KCNMB4: variants seen among roughly 807,000 people sequenced by gnomAD.
The protein encoded by KCNMB4 is potassium calcium-activated channel subfamily M regulatory beta subunit 4.
In KCNMB4, 3 loss-of-function variants were observed where a neutral mutation model predicts 20.7. That is an observed-to-expected ratio of 0.14 (90% CI 0.07 to 0.37). The LOEUF (loss-of-function observed/expected upper bound fraction) is 0.37, where lower values mean the gene tolerates loss of function less well. Among genes scored for constraint, KCNMB4 ranks in the 10% least tolerant of loss-of-function variants. KCNMB4 has a pLI of 1.00. For synonymous variants in KCNMB4, 110 were observed against 113.4 expected (o/e 0.97, Z 0.19); for missense variants, 168 against 265.9 (o/e 0.63, Z 2.56).
chr12:70,426,280 C>T (rs1293357939), intron 2 of KCNMB4, among the ~76,000 whole-genome samples: 3 of 146,520 alleles, frequency 2.0e-5, no homozygotes, highest in Non-Finnish European at 3.0e-5. Flanking sequence ...GGTGACAGAG[C>T]GAGATTCCGT....
chr12:70,424,252 G>A (rs943112486), intron 2 of KCNMB4, among the ~76,000 whole-genome samples: 2 of 152,158 alleles, frequency 1.3e-5, no homozygotes, highest in African/African-American at 4.8e-5. Flanking sequence ...GATAAGGGAA[G>A]ATCCAAGAAA....
At chr12:70,392,167 A>G (rs546242041) in intron 1 of KCNMB4, among the ~76,000 whole-genome samples, 71 of 152,314 alleles carry the variant, frequency 4.7e-4, no homozygotes, top group African/African-American at 1.6e-3. Context: ...CCATCAATGA[A>G]GCCATCTGAA....
At chr12:70,374,489 C>G (rs1355355402) in intron 1 of KCNMB4, among the ~76,000 whole-genome samples, 2 of 152,048 alleles carry the variant, frequency 1.3e-5, no homozygotes, top group Non-Finnish European at 2.9e-5. Flanking sequence ...CATGCTGAGC[C>G]TTAGGTATTC....
At chr12:70,372,209 A>G (rs1883608357) in intron 1 of KCNMB4, among the ~76,000 whole-genome samples, 1 of 152,202 alleles carries the variant, frequency 6.6e-6, no homozygotes, top group Admixed American at 6.5e-5. Context: ...CAAGGTGGAC[A>G]GTGGGAAATG....
rs1482364212 is a variant in KCNMB4 at position 70,388,904 on chromosome 12, T to C, written c.337-11305T>C. Among the ~76,000 whole-genome samples the C allele has an allele frequency of 2.6e-5, 4 of 152,216 alleles. No individual in the cohort carries two copies. In the East Asian group the frequency reaches 7.7e-4, roughly 29 times the overall value. ...TGTACTTTTATTTGAGGGTAAGGAG[T>C]AGTACTCCACTGCTCCAAACCCTTG... On this transcript the variant is annotated intron_variant, in intron 1 of 2. Coordinates refer to ENST00000258111, the MANE Select transcript of KCNMB4 (RefSeq NM_014505.6).
At chr12:70,410,483 G>A (rs1868741288) in intron 2 of KCNMB4, among the ~76,000 whole-genome samples, 1 of 152,200 alleles carries the variant, frequency 6.6e-6, no homozygotes. Flanking sequence ...GTGACATCAA[G>A]CATCGGGATT....
intron 2 of KCNMB4, among the ~76,000 whole-genome samples, chr12:70,407,616 C>T (rs548526837): frequency 2.0e-5 from 3 of 151,578 alleles, no homozygotes; most frequent in South Asian, 2.1e-4. Flanking sequence ...TACAGGCGCC[C>T]GCCACCACAC....
In KCNMB4 at chr12:70,431,698, C is replaced by G. The variant is rs1869369004; in HGVS notation, c.*1045C>G. The stretch of plus-strand genomic sequence containing the variant: ...ACTGATGAGCTTTCTGTGCCTTTAT[C>G]AAAAGTTGATTGAGAAGACCATATT... On this transcript the variant is annotated 3_prime_UTR_variant, in exon 3 of 3. Coordinates refer to ENST00000258111, the MANE Select transcript of KCNMB4 (RefSeq NM_014505.6). 1 of 152,140 alleles carries G rather than the reference C, an allele frequency of 6.6e-6. No homozygotes were observed. Among genetic ancestry groups the G allele is most frequent in the Admixed American group, 6.5e-5 (1 of 15,286 alleles). 9.4% of individuals were successfully genotyped at this position (152,140 alleles called of 1,614,324 possible).
chr12:70,421,706 C>T (rs11178232), intron 2 of KCNMB4, among the ~76,000 whole-genome samples: 3 of 151,516 alleles, frequency 2.0e-5, no homozygotes, highest in African/African-American at 4.8e-5. Context: ...CTCAGCCTCC[C>T]GAGTAGCTGG....
chr12:70,366,639 T>TGGCGGC lies in KCNMB4; in HGVS notation c.-89_-84dup, dbSNP rs1363572413. 7.8e-6 allele frequency: 7 copies of TGGCGGC among 902,298 alleles called. No homozygotes were observed. Among genetic ancestry groups the TGGCGGC allele is most frequent in the Non-Finnish European group, 9.8e-6 (7 of 712,278 alleles). 55.9% of individuals were successfully genotyped at this position (902,298 alleles called of 1,614,324 possible). On this transcript the variant is annotated 5_prime_UTR_variant, in exon 1 of 3. Coordinates refer to ENST00000258111, the MANE Select transcript of KCNMB4 (RefSeq NM_014505.6). ...CCCTGCTGTCGCGCGGCGGCGGCGGTGGCGGCGGCGGCTCCTCCCGCCCGA... is the reference window on the plus strand; with the variant it reads ...CCCTGCTGTCGCGCGGCGGCGGCGGTGGCGGCGGCGGCGGCGGCTCCTCCCGCCCGA...
chr12:70,395,089 G>A (rs1362735245), intron 1 of KCNMB4, among the ~76,000 whole-genome samples: 1 of 151,956 alleles, frequency 6.6e-6, no homozygotes, highest in African/African-American at 2.4e-5. Context: ...TTTCTTATAG[G>A]AGTTCAGAAA....
rs138347147 is a variant in KCNMB4, at chr12:70,377,552, T to C, written c.336+10482T>C. Among the ~76,000 whole-genome samples the C allele has an allele frequency of 2.7e-3, 406 of 152,290 alleles. 2 individuals are homozygous for C. Among genetic ancestry groups the C allele is most frequent in the African/African-American group, 9.6e-3 (398 of 41,560 alleles). ...GGTTGCTGACTAATCAGGGTGGTGGTTGCTGAAGGTTGAGGTGGCTGTGGA... is the reference window on the plus strand; with the variant it reads ...GGTTGCTGACTAATCAGGGTGGTGGCTGCTGAAGGTTGAGGTGGCTGTGGA... On this transcript the variant is annotated intron_variant, in intron 1 of 2. Transcript: ENST00000258111.
In KCNMB4 at chr12:70,431,914, AG is replaced by A. The variant is rs1216478943; in HGVS notation, c.*1263del. 4.6e-5 allele frequency: 7 copies of A among 152,248 alleles called. No homozygotes were observed. Among genetic ancestry groups the A allele is most frequent in the African/African-American group, 1.2e-4 (5 of 41,474 alleles). 9.4% of individuals were successfully genotyped at this position (152,248 alleles called of 1,614,324 possible). A position where few individuals can be genotyped will look rare whatever the true frequency, so the allele number is the denominator to read the frequency against. On this transcript the variant is annotated 3_prime_UTR_variant, in exon 3 of 3. Coordinates refer to ENST00000258111, the MANE Select transcript of KCNMB4 (RefSeq NM_014505.6). The stretch of plus-strand genomic sequence containing the variant: ...TTCAGACATGCCTCTATTAGAATAA[AG>A]GTAAACTGGAATTTAAAGACAAGTT...
chr12:70,419,930 AAG>A (rs1021311554), intron 2 of KCNMB4, among the ~76,000 whole-genome samples: 4 of 152,142 alleles, frequency 2.6e-5, no homozygotes. Flanking sequence ...GGATGAAGGA[AAG>A]AGAAGTATTT....
intron 2 of KCNMB4, among the ~76,000 whole-genome samples, chr12:70,430,168 A>G (rs1474532939): frequency 6.6e-6 from 1 of 152,164 alleles, no homozygotes; most frequent in Non-Finnish European, 1.5e-5. Flanking sequence ...ACCAATGGAC[A>G]TTAGAGGATG....
At chr12:70,388,661 G>C (rs1868276408) in intron 1 of KCNMB4, among the ~76,000 whole-genome samples, 1 of 152,052 alleles carries the variant, frequency 6.6e-6, no homozygotes, top group Admixed American at 6.6e-5. Flanking sequence ...TGTATGTCTT[G>C]ATTATTAATT....
intron 2 of KCNMB4, among the ~76,000 whole-genome samples, chr12:70,421,470 G>GAAAAAAAAAAAAAAAAAAAA (rs61303899): frequency 5.3e-5 from 4 of 75,672 alleles, no homozygotes; most frequent in Non-Finnish European, 7.3e-5. Flanking sequence ...TCTCAAAAAA[G>GAAAAAAAAAAAAAAAAAAAA]AAAAAAAAAA....
At chr12:70,417,912 A>G (rs1051679498) in intron 2 of KCNMB4, among the ~76,000 whole-genome samples, 2 of 152,172 alleles carry the variant, frequency 1.3e-5, no homozygotes, top group Non-Finnish European at 2.9e-5. Flanking sequence ...ACCACCGACC[A>G]TTCTTTATGG....
At chr12:70,391,031 G>T (rs1868294789) in intron 1 of KCNMB4, among the ~76,000 whole-genome samples, 1 of 152,162 alleles carries the variant, frequency 6.6e-6, no homozygotes, top group Non-Finnish European at 1.5e-5. Context: ...TACCACAAGG[G>T]CTTTAAGTAT....
Sources: allele counts gnomAD v4.1 joint callset (sites outside exome capture counted in the v4.1 genomes callset), GRCh38; gene constraint gnomAD v4.1.1; transcripts MANE v1.5; gene names NCBI Gene and HGNC (gene_info 2026-07-23, HGNC 2026-07-21).